The following FAXDC2 variants were observed in gnomAD, a reference collection of about 807,000 sequenced individuals.
The protein encoded by FAXDC2 is fatty acid hydroxylase domain-containing protein 2.
Under a neutral mutation model 40.9 loss-of-function variants are expected in FAXDC2, and 41 were observed. That is an observed-to-expected ratio of 1.00 (90% CI 0.78 to 1.30). The LOEUF (loss-of-function observed/expected upper bound fraction) is 1.30, where lower values mean the gene tolerates loss of function less well. Ranked by LOEUF, FAXDC2 falls within the 50% of genes most tolerant of loss-of-function variation. FAXDC2 has a pLI of 0.00. For missense variants in FAXDC2, 390 were observed against 408.8 expected, an observed-to-expected ratio of 0.95 and a Z score of 0.40; for synonymous variants, 157 against 149.3, an observed-to-expected ratio of 1.05 and a Z score of -0.38.
At chr5:154,837,181 C>G (rs1760368211) in intron 2 of FAXDC2, among the ~76,000 whole-genome samples, 1 of 152,106 alleles carries the variant, frequency 6.6e-6, no homozygotes, top group South Asian at 2.1e-4. Context: ...AATGAGCATG[C>G]TCACTCACTG....
At chr5:154,841,782 C>A (rs1760480253) in intron 1 of FAXDC2, among the ~76,000 whole-genome samples, 1 of 151,228 alleles carries the variant, frequency 6.6e-6, no homozygotes, top group African/African-American at 2.4e-5. Flanking sequence ...GTCGCCCAGG[C>A]TGGAGTGCAG....
At chr5:154,823,930 A>C (rs1185474501) in intron 5 of FAXDC2, 2 of 305,324 alleles carry the variant, frequency 6.6e-6, no homozygotes, top group African/African-American at 2.1e-5. Flanking sequence ...GGTAGCCTCC[A>C]TGGTGCTTGG....
At chr5:154,842,222 G>C (rs1337014332) in intron 1 of FAXDC2, among the ~76,000 whole-genome samples, 1 of 149,582 alleles carries the variant, frequency 6.7e-6, no homozygotes, top group African/African-American at 2.5e-5. Context: ...TTTTGAGATG[G>C]AGTCTCACTC....
intron 8 of FAXDC2, chr5:154,820,923 C>T: frequency 3.3e-6 from 1 of 303,646 alleles, no homozygotes; most frequent in Non-Finnish European, 6.4e-6. Flanking sequence ...TTGTAGACTA[C>T]ACTTGAAAAA....
intron 1 of FAXDC2, among the ~76,000 whole-genome samples, chr5:154,843,350 A>C (rs531064173): frequency 3.0e-4 from 46 of 152,354 alleles, no homozygotes; most frequent in Non-Finnish European, 5.6e-4. Context: ...TTTGATCTTT[A>C]GGAGCTCATC....
chr5:154,834,545 A>G (rs1760269962), intron 4 of FAXDC2, 80 bp downstream of exon 4: 2 of 1,062,380 alleles, frequency 1.9e-6, no homozygotes, highest in Admixed American at 4.3e-5. Flanking sequence ...AAAGTCCCAA[A>G]GTAGAGAACA....
rs144462263 is a variant in FAXDC2 at position 154,845,703 on chromosome 5, A to G, written c.-1+4780T>C. 5.4e-3 allele frequency among the ~76,000 whole-genome samples: 826 copies of G among 152,174 alleles called. 6 individuals are homozygous for G. Among genetic ancestry groups the G allele is most frequent in the African/African-American group, 0.019 (776 of 41,518 alleles). On this transcript the variant is annotated intron_variant, in intron 1 of 8. Coordinates refer to ENST00000326080, the MANE Select transcript of FAXDC2 (RefSeq NM_032385.5). The stretch of plus-strand genomic sequence containing the variant: ...AAAAACAAACTGGAAGTTGTATTAG[A>G]GCTCATCTATTCAGATGCCCCCATT...
At chr5:154,839,178 T>C (rs1760422590) in intron 1 of FAXDC2, among the ~76,000 whole-genome samples, 1 of 150,924 alleles carries the variant, frequency 6.6e-6, no homozygotes, top group Non-Finnish European at 1.5e-5. Flanking sequence ...ACACAAAAAT[T>C]AGCCAGGCAT....
intron 2 of FAXDC2, among the ~76,000 whole-genome samples, chr5:154,837,283 T>G (rs548587475): frequency 2.8e-4 from 43 of 152,136 alleles, no homozygotes; most frequent in African/African-American, 7.5e-4. Flanking sequence ...TTTTTTGTTT[T>G]TTTGTTTGTT....
intron 1 of FAXDC2, among the ~76,000 whole-genome samples, chr5:154,842,194 G>T (rs866298903): frequency 2.6e-5 from 4 of 151,370 alleles, no homozygotes; most frequent in Non-Finnish European, 2.9e-5. Context: ...TGTGTTTTTT[G>T]TTTTGTTTTG....
rs1190956834 is a variant in FAXDC2, at chr5:154,834,888, C to A, written c.95G>T (p.Gly32Val). 2.5e-6 allele frequency: 4 copies of A among 1,609,916 alleles called. No individual in the cohort carries two copies. The highest frequency in any genetic ancestry group is 3.4e-6 in the Non-Finnish European group (4 of 1,177,858). ...GSMRRTAFIL[G>V]SGLLSFVAFW... ...GGCCACAAATGAGAGAAGTCCAGAG[C>A]CCAGGATGAAAGCTGTCCTCCTCAT... The change falls in exon 3 of 9, where the codon GGC (glycine) becomes GTC (valine). Residue 32 changes from glycine to valine, a missense_variant. Transcript: ENST00000326080.
At chr5:154,848,039 C>A (rs987598846) in intron 1 of FAXDC2, among the ~76,000 whole-genome samples, 1 of 152,040 alleles carries the variant, frequency 6.6e-6, no homozygotes, top group Non-Finnish European at 1.5e-5. Context: ...CAGGGTTTCA[C>A]CATGTTAGCC....
intron 5 of FAXDC2, among the ~76,000 whole-genome samples, chr5:154,826,518 G>A (rs777207436): frequency 1.8e-4 from 24 of 136,762 alleles, no homozygotes; most frequent in Non-Finnish European, 3.2e-4. Flanking sequence ...AACAGAGCAA[G>A]ACTGTCTCTA....
intron 8 of FAXDC2, 68 bp downstream of exon 8, chr5:154,821,192 A>C (rs1257824216): frequency 1.5e-6 from 2 of 1,309,458 alleles, no homozygotes; most frequent in African/African-American, 1.5e-5. Context: ...AGTGCCTGCT[A>C]TCAGAAGCTT....
intron 5 of FAXDC2, among the ~76,000 whole-genome samples, chr5:154,827,672 A>T (rs1760077053): frequency 6.6e-6 from 1 of 150,950 alleles, no homozygotes; most frequent in Non-Finnish European, 1.5e-5. Flanking sequence ...AGTAGCTAGG[A>T]CTACAGGCAT....
chr5:154,840,893 A>G (rs977419095), intron 1 of FAXDC2, among the ~76,000 whole-genome samples: 6 of 152,120 alleles, frequency 3.9e-5, no homozygotes, highest in African/African-American at 1.4e-4. Context: ...AGGAAGAGAG[A>G]ATGGTGACCT....
At position 154,822,538 on chromosome 5, in the gene FAXDC2, C is replaced by CT. The variant is rs1561651229; in HGVS notation, c.611dup (p.Lys205GlufsTer4). ...TGGGAGCTGTCCACTCATGGTGTTT[C>CT]TTGTGGATTTTCTTGTAGAATGTTG... is the stretch of plus-strand genomic sequence containing the variant. On this transcript the variant is annotated frameshift_variant, in exon 7 of 9. Coordinates refer to ENST00000326080, the MANE Select transcript of FAXDC2 (RefSeq NM_032385.5). LOFTEE classifies it high-confidence loss of function. 3.1e-6 allele frequency: 5 copies of CT among 1,614,158 alleles called. No homozygotes were observed. The South Asian group carries it at 5.5e-5, about 18-fold the overall frequency.
chr5:154,833,338 AT>A (rs1220652028), intron 4 of FAXDC2, among the ~76,000 whole-genome samples: 4 of 141,558 alleles, frequency 2.8e-5, no homozygotes, highest in Admixed American at 1.4e-4. Flanking sequence ...ATCTTGGCCT[AT>A]CTTAATTTTT....
chr5:154,823,498 A>T lies in FAXDC2; in HGVS notation c.461T>A (p.Leu154His), dbSNP rs1255243387. 3 of 1,614,036 alleles carry T rather than the reference A, an allele frequency of 1.9e-6. No individual in the cohort carries two copies. The highest frequency in any genetic ancestry group is 8.5e-7 in the Non-Finnish European group (1 of 1,180,018). The change falls in exon 6 of 9, where the codon CTC becomes CAC. Residue 154 changes from leucine to histidine, a missense_variant. Coordinates refer to ENST00000326080, the MANE Select transcript of FAXDC2 (RefSeq NM_032385.5). ...GCGGCAGGGGTCTCTCCACCATTTG[A>T]GGAAGGGATAGAGGAAGACCACCAT... ...FPMVVFLYPF[L>H]KWWRDPCRRE...
Sources: gnomAD v4.1 joint callset for allele counts (sites outside exome capture counted in the v4.1 genomes callset) on GRCh38, gnomAD v4.1.1 for gene constraint, MANE v1.5 for transcripts, NCBI Gene and HGNC (gene_info 2026-07-23, HGNC 2026-07-21) for gene names.